Variants in CAST observed in about 807,000 individuals in gnomAD.
The protein encoded by CAST is MIR583 host.
Under a neutral mutation model 119.6 loss-of-function variants are expected in CAST, and 76 were observed. That is an observed-to-expected ratio of 0.64 (90% confidence interval 0.53 to 0.77). CAST has a LOEUF of 0.77. Ranked by LOEUF, CAST falls within the 30% of genes least tolerant of loss-of-function variation. The probability of loss-of-function intolerance (pLI) is 0.00; values close to 1 mark genes in which losing one functional copy is unlikely to be tolerated. For synonymous variants in CAST, 319 were observed against 331.6 expected (o/e 0.96, Z 0.41); for missense variants, 953 against 946.5 (o/e 1.01, Z -0.09).
At chr5:96,464,921 G>T in the CAST span, among the ~76,000 whole-genome samples, 738 of 151,990 alleles carry the variant, frequency 4.9e-3, 8 homozygotes, top group African/African-American at 0.017. Context: ...TAAATCTTAG[G>T]CACAGATTTT....
At chr5:96,523,174 G>T (rs12519934), upstream of CAST, among the ~76,000 whole-genome samples, 23,119 of 152,166 alleles carry the variant, frequency 0.15, 2,096 homozygotes, top group Middle Eastern at 0.2. Flanking sequence ...TTCCTCACCT[G>T]TGAGAGTTAC....
intron 3 of CAST, among the ~76,000 whole-genome samples, chr5:96,702,038 A>T (rs925524259): frequency 6.6e-6 from 1 of 152,092 alleles, no homozygotes; most frequent in African/African-American, 2.4e-5. Flanking sequence ...ACTGGCCATC[A>T]TTTGTCATGA....
chr5:96,259,048 A>G, the CAST span, among the ~76,000 whole-genome samples: 36 of 152,376 alleles, frequency 2.4e-4, no homozygotes, highest in East Asian at 6.2e-3. Flanking sequence ...TTTGAAAGCT[A>G]TAAAAATATG....
the CAST span, among the ~76,000 whole-genome samples, chr5:96,359,407 G>A: frequency 6.6e-6 from 1 of 152,174 alleles, no homozygotes; most frequent in Non-Finnish European, 1.5e-5. Flanking sequence ...CCCATTAGTT[G>A]ATGCAGTTTC....
the CAST span, among the ~76,000 whole-genome samples, chr5:96,034,485 A>ACACACACACC: frequency 7.6e-6 from 1 of 130,784 alleles, no homozygotes; most frequent in Non-Finnish European, 1.6e-5. Flanking sequence ...ACACACACAC[A>ACACACACACC]CACACACACA....
intron 1 of CAST, among the ~76,000 whole-genome samples, chr5:96,564,361 C>G (rs1746432874): frequency 6.6e-6 from 1 of 152,186 alleles, no homozygotes; most frequent in African/African-American, 2.4e-5. Flanking sequence ...TTCAAGCTGA[C>G]TTTTTCACTT....
At chr5:96,188,974 G>C in the CAST span, among the ~76,000 whole-genome samples, 2 of 151,814 alleles carry the variant, frequency 1.3e-5, no homozygotes, top group African/African-American at 4.8e-5. Flanking sequence ...TTCTTTTTCT[G>C]GTTGAGAGAA....
At chr5:96,190,275 A>G in the CAST span, among the ~76,000 whole-genome samples, 1 of 152,092 alleles carries the variant, frequency 6.6e-6, no homozygotes, top group Non-Finnish European at 1.5e-5. Flanking sequence ...CTGCAAAGTG[A>G]ATGCTGGGCT....
the CAST span, chr5:96,416,163 C>T: frequency 7.3e-7 from 1 of 1,370,688 alleles, no homozygotes; most frequent in African/African-American, 1.4e-5. Context: ...TACAGAAGAA[C>T]AAACATTTGT....
the CAST span, among the ~76,000 whole-genome samples, chr5:96,471,764 C>CTGTGTGTG: frequency 2.4e-4 from 17 of 70,652 alleles, no homozygotes; most frequent in African/African-American, 9.8e-4. Context: ...CAAATGGAGT[C>CTGTGTGTG]TGTGTGTGTG....
At chr5:96,619,737 T>G (rs1291412022) in intron 1 of CAST, among the ~76,000 whole-genome samples, 1 of 150,374 alleles carries the variant, frequency 6.7e-6, no homozygotes, top group Non-Finnish European at 1.5e-5. Flanking sequence ...ACACCATCTT[T>G]AAGAAGGGTA....
At chr5:96,079,194 T>C in the CAST span, 6 of 454,568 alleles carry the variant, frequency 1.3e-5, no homozygotes, top group African/African-American at 1.2e-4. Context: ...TTAGCAGTAC[T>C]GGGACCTACC....
chr5:96,673,988 G>A lies in CAST; in HGVS notation c.76-1551G>A, dbSNP rs77396383. On this transcript the variant is annotated intron_variant, in intron 1 of 31. Transcript: ENST00000675179. ...TTCTGGGTAAGAATTGTAGAGTCACGAACATGCCTTTTGGCTAGTTGTTCA... is the reference window on the plus strand; with the variant it reads ...TTCTGGGTAAGAATTGTAGAGTCACAAACATGCCTTTTGGCTAGTTGTTCA... Among the ~76,000 whole-genome samples, 1,293 of 152,278 alleles carry A rather than the reference G, an allele frequency of 8.5e-3. 26 individuals carry two copies. Among genetic ancestry groups the A allele is most frequent in the African/African-American group, 0.03 (1,227 of 41,554 alleles).
At chr5:96,652,245 G>A (rs73774352) in intron 1 of CAST, among the ~76,000 whole-genome samples, 2,641 of 152,296 alleles carry the variant, frequency 0.017, 73 homozygotes, top group African/African-American at 0.06. Flanking sequence ...TCCAACCTAG[G>A]TTGTAATAAT....
chr5:96,544,824 G>A (rs1745976262), intron 1 of CAST, among the ~76,000 whole-genome samples: 1 of 92,220 alleles, frequency 1.1e-5, no homozygotes, highest in African/African-American at 3.8e-5. Flanking sequence ...GAGTTTAGGA[G>A]TGGATAAAAA....
chr5:96,603,354 T>G (rs1181202545), intron 1 of CAST, among the ~76,000 whole-genome samples: 1 of 152,220 alleles, frequency 6.6e-6, no homozygotes. Flanking sequence ...TTTTCTTTCT[T>G]TATAATCATA....
chr5:96,368,115 C>T, the CAST span, among the ~76,000 whole-genome samples: 871 of 151,622 alleles, frequency 5.7e-3, 9 homozygotes, highest in African/African-American at 0.02. Flanking sequence ...AATTACTTTT[C>T]TTTTTTTTCC....
intron 24 of CAST, chr5:96,761,727 A>C (rs1768026644): frequency 6.5e-6 from 1 of 153,306 alleles, no homozygotes; most frequent in African/African-American, 2.4e-5. Flanking sequence ...GTTGAAAAAA[A>C]ACCCTGAAAC....
chr5:96,577,305 T>C (rs1746690301), intron 1 of CAST, among the ~76,000 whole-genome samples: 1 of 152,198 alleles, frequency 6.6e-6, no homozygotes, highest in Non-Finnish European at 1.5e-5. Context: ...TGGAGGTTTA[T>C]CAATTTTATT....
Sources: gnomAD v4.1 joint callset for allele counts (sites outside exome capture counted in the v4.1 genomes callset) on GRCh38, gnomAD v4.1.1 for gene constraint, MANE v1.5 for transcripts, NCBI Gene and HGNC (gene_info 2026-07-23, HGNC 2026-07-21) for gene names.